The following HERPUD1 variants were observed in gnomAD, a reference collection of about 807,000 sequenced individuals.
HERPUD1 encodes homocysteine inducible ER protein with ubiquitin like domain 1.
HERPUD1 carries 17 observed loss-of-function variants against 45.0 expected under a neutral mutation model. That is an observed-to-expected ratio of 0.38 (90% CI 0.26 to 0.57). The LOEUF is 0.57. Ranked by LOEUF, HERPUD1 falls within the 20% of genes least tolerant of loss-of-function variation. The probability of loss-of-function intolerance (pLI) is 0.72; values close to 1 mark genes in which losing one functional copy is unlikely to be tolerated. For synonymous variants in HERPUD1, 164 were observed against 177.5 expected (o/e 0.92, Z 0.61); for missense variants, 420 against 490.5 (o/e 0.86, Z 1.36).
rs752873588 is a variant in HERPUD1 at position 56,932,218 on chromosome 16, C to A, written c.-27C>A. ...GCCTGCCTGGCACCTAGGAGCGCAG[C>A]GGAGCCCCGACACCGCCGCCGCCGC... On this transcript the variant is annotated 5_prime_UTR_variant, in exon 1 of 8. Coordinates refer to ENST00000439977, the MANE Select transcript of HERPUD1 (RefSeq NM_014685.4). 1.9e-6 allele frequency: 3 copies of A among 1,600,948 alleles called. No individual in the cohort carries two copies. The highest frequency in any genetic ancestry group is 2.5e-6 in the Non-Finnish European group (3 of 1,177,856).
At position 56,943,495 on chromosome 16, in the gene HERPUD1, T is replaced by C; in HGVS notation, c.*205T>C. On this transcript the variant is annotated 3_prime_UTR_variant, in exon 8 of 8. Coordinates refer to ENST00000439977, the MANE Select transcript of HERPUD1 (RefSeq NM_014685.4). ...CAAAAAATGCCCAAGGCTTCTCATG[T>C]CTTTATTCTGAAGAGCTTTAATATA... 1 of 645,906 alleles carries C rather than the reference T, an allele frequency of 1.5e-6. No individual in the cohort carries two copies. Among genetic ancestry groups the C allele is most frequent in the Admixed American group, 2.3e-5 (1 of 42,908 alleles). The allele number at this position is 645,906 out of a possible 1,614,324, so 40.0% of individuals were successfully genotyped here. A position where few individuals can be genotyped will look rare whatever the true frequency, so the allele number is the denominator to read the frequency against.
At chr16:56,942,653 A>G (rs1322930458) in intron 7 of HERPUD1, among the ~76,000 whole-genome samples, 3 of 152,016 alleles carry the variant, frequency 2.0e-5, no homozygotes, top group Non-Finnish European at 4.4e-5. Flanking sequence ...TCAGGAGTTT[A>G]AGACCAGCCT....
intron 7 of HERPUD1, 83 bp from the exon 8 acceptor site, chr16:56,943,043 C>G (rs2055922970): frequency 7.0e-7 from 1 of 1,420,030 alleles, no homozygotes; most frequent in East Asian, 2.3e-5. Context: ...TTTACCCTGC[C>G]CTTTCCTAAC....
chr16:56,937,003 G>T, intron 4 of HERPUD1, 186 bp downstream of exon 4: 1 of 456,718 alleles, frequency 2.2e-6, no homozygotes, highest in Non-Finnish European at 3.7e-6. Flanking sequence ...CAGCCTTTTA[G>T]TACACACAAA....
At chr16:56,935,766 C>T in intron 3 of HERPUD1, 1 of 375,766 alleles carries the variant, frequency 2.7e-6, no homozygotes, top group Non-Finnish European at 4.9e-6. Context: ...TGAACTAACA[C>T]TAATCGGGTT....
At chr16:56,942,973 G>A (rs1259938071) in intron 7 of HERPUD1, among the ~76,000 whole-genome samples, 153 bp from the exon 8 acceptor site, 1 of 152,158 alleles carries the variant, frequency 6.6e-6, no homozygotes, top group African/African-American at 2.4e-5. Context: ...TCCAGCCTAG[G>A]GCATCATTCC....
chr16:56,943,366 C>T lies in HERPUD1; in HGVS notation c.*76C>T, dbSNP rs949894475. ...ACCTGACTCCAGCTAGATTGCCTCT[C>T]CTGGACATGGCAATGATGAGTTTTT... On this transcript the variant is annotated 3_prime_UTR_variant, in exon 8 of 8. Coordinates refer to ENST00000439977, the MANE Select transcript of HERPUD1 (RefSeq NM_014685.4). The T allele has an allele frequency of 2.0e-6, 3 of 1,494,484 alleles. No homozygotes were observed. The highest frequency in any genetic ancestry group is 2.8e-6 in the Non-Finnish European group (3 of 1,071,500). The allele number at this position is 1,494,484 out of a possible 1,614,324, so 92.6% of individuals were successfully genotyped here. A position where few individuals can be genotyped will look rare whatever the true frequency, so the allele number is the denominator to read the frequency against.
rs184898566 is a variant in HERPUD1 at position 56,935,140 on chromosome 16, A to G, written c.148-95A>G. 121 of 805,446 alleles carry G rather than the reference A, an allele frequency of 1.5e-4. No homozygotes were observed. The African/African-American group carries it at 1.7e-3, about 11-fold the overall frequency. 49.9% of individuals were successfully genotyped at this position (805,446 alleles called of 1,614,324 possible). A position where few individuals can be genotyped will look rare whatever the true frequency, so the allele number is the denominator to read the frequency against. On this transcript the variant is annotated intron_variant, in intron 1 of 7. Coordinates refer to ENST00000439977, the MANE Select transcript of HERPUD1 (RefSeq NM_014685.4). Reference sequence around the variant, plus strand: ...CCCGTGATGCTGGGGGGAAACACACATATTCAAATTACTTGTATAAAACAG... The same window carrying G: ...CCCGTGATGCTGGGGGGAAACACACGTATTCAAATTACTTGTATAAAACAG...
intron 1 of HERPUD1, 42 bp from the exon 2 acceptor site, chr16:56,935,193 G>A: frequency 7.4e-7 from 1 of 1,343,816 alleles, no homozygotes; most frequent in Non-Finnish European, 1.1e-6. Flanking sequence ...AACTTGTAGG[G>A]GTGAAATGCT....
At chr16:56,942,074 T>C (rs1567461933) in intron 6 of HERPUD1, 58 bp from the exon 7 acceptor site, 38 of 1,398,222 alleles carry the variant, frequency 2.7e-5, no homozygotes, top group Non-Finnish European at 3.8e-5. Flanking sequence ...CCTTGGATTC[T>C]TGAGTAAGTC....
rs749157388 is a variant in HERPUD1, at chr16:56,942,204, CGTT to C, written c.981_983del (p.Val328del). On this transcript the variant is annotated inframe_deletion, in exon 7 of 8. Coordinates refer to ENST00000439977, the MANE Select transcript of HERPUD1 (RefSeq NM_014685.4). ...TCCCAAATGATGGTCCTCCTCCTGACGTTGTAAATCAGGACCCCAACAATAACT... is the reference window on the plus strand; with the variant it reads ...TCCCAAATGATGGTCCTCCTCCTGACGTAAATCAGGACCCCAACAATAACT... 1.4e-5 allele frequency: 23 copies of C among 1,613,832 alleles called. No individual in the cohort carries two copies. The highest frequency in any genetic ancestry group is 1.9e-5 in the Non-Finnish European group (22 of 1,179,844).
intron 4 of HERPUD1, among the ~76,000 whole-genome samples, chr16:56,937,593 C>T (rs1334900338): frequency 1.3e-5 from 2 of 150,366 alleles, no homozygotes; most frequent in Non-Finnish European, 2.9e-5. Context: ...AGAGTTTTAC[C>T]ATAGCTCATC....
At chr16:56,935,585 C>T in intron 3 of HERPUD1, 110 bp downstream of exon 3, 2 of 878,540 alleles carry the variant, frequency 2.3e-6, no homozygotes, top group Non-Finnish European at 3.7e-6. Context: ...GTGTTATTAC[C>T]AAGTAATATT....
At chr16:56,941,561 T>A (rs2055909875) in intron 6 of HERPUD1, 2 of 152,006 alleles carry the variant, frequency 1.3e-5, no homozygotes, top group South Asian at 4.1e-4. Context: ...AAAGAAGAAA[T>A]TTTCCTGTAT....
intron 1 of HERPUD1, among the ~76,000 whole-genome samples, chr16:56,932,692 G>A (rs1345917743): frequency 6.6e-6 from 1 of 152,322 alleles, no homozygotes; most frequent in Non-Finnish European, 1.5e-5. Context: ...TGCATCCAAT[G>A]GCTAGAAGTA....
At chr16:56,942,053 G>C in intron 6 of HERPUD1, 79 bp from the exon 7 acceptor site, 1 of 1,100,276 alleles carries the variant, frequency 9.1e-7, no homozygotes, top group Non-Finnish European at 1.4e-6. Context: ...GCTGTGATTA[G>C]AGGTGGGGAG....
At chr16:56,941,991 T>C in intron 6 of HERPUD1, 141 bp from the exon 7 acceptor site, 1 of 655,130 alleles carries the variant, frequency 1.5e-6, no homozygotes, top group Non-Finnish European at 2.7e-6. Flanking sequence ...TGGGAGACAG[T>C]GTGATCAAAT....
In HERPUD1 at chr16:56,943,176, G is replaced by A; in HGVS notation, c.1062G>A (p.Arg354=). ...ACCCCAACCACCTCCCTCCAGACAG[G>A]GATGTACTAGATGGCGAGCAGACCA... ...TEDPNHLPPD[R]DVLDGEQTSP... Residue 354 remains arginine (R), a synonymous_variant, in exon 8 of 8, where the codon AGG becomes AGA. Coordinates refer to ENST00000439977, the MANE Select transcript of HERPUD1 (RefSeq NM_014685.4). 6.2e-7 allele frequency: 1 copy of A among 1,614,172 alleles called. No homozygotes were observed. Among genetic ancestry groups the A allele is most frequent in the Non-Finnish European group, 8.5e-7 (1 of 1,180,030 alleles).
Position 56,943,662 on chromosome 16 carries a change from C to A in HERPUD1, c.*372C>A, listed in dbSNP as rs9497. The A allele has an allele frequency of 0.033, 12,720 of 384,214 alleles. 977 individuals carry two copies. The highest frequency in any genetic ancestry group is 0.2 in the African/African-American group (9,864 of 50,318). The allele number at this position is 384,214 out of a possible 1,614,324, so 23.8% of individuals were successfully genotyped here. Reference sequence around the variant, plus strand: ...AGATGCAGAAGTGGTTCTGCTGGTACGATTTGATTCCTGTTGGAATGTTTA... The same window carrying A: ...AGATGCAGAAGTGGTTCTGCTGGTAAGATTTGATTCCTGTTGGAATGTTTA... On this transcript the variant is annotated 3_prime_UTR_variant, in exon 8 of 8. Transcript: ENST00000439977.
Sources: allele counts gnomAD v4.1 joint callset (sites outside exome capture counted in the v4.1 genomes callset), GRCh38; gene constraint gnomAD v4.1.1; transcripts MANE v1.5; gene names NCBI Gene and HGNC (gene_info 2026-07-23, HGNC 2026-07-21).